Variants in MYCBP2 observed in about 807,000 individuals in gnomAD.
MYCBP2 encodes the protein E3 ubiquitin-protein ligase MYCBP2.
MYCBP2 carries 120 observed loss-of-function variants against 525.3 expected under a neutral mutation model. The ratio of observed to expected loss-of-function variants is 0.23; its 90% CI spans 0.20 to 0.27. The LOEUF (loss-of-function observed/expected upper bound fraction) is 0.27, where lower values mean the gene tolerates loss of function less well. Ranked by LOEUF, MYCBP2 falls within the 10% of genes least tolerant of loss-of-function variation. MYCBP2 has a pLI of 1.00. For missense variants in MYCBP2, 4,149 were observed against 5,657.1 expected (o/e 0.73, Z 8.55); for synonymous variants, 1,894 against 1,955.8 (o/e 0.97, Z 0.83).
intron 21 of MYCBP2, among the ~76,000 whole-genome samples, chr13:77,212,563 G>A (rs2064172123): frequency 6.6e-6 from 1 of 152,108 alleles, no homozygotes; most frequent in South Asian, 2.1e-4. Context: ...ATAAAAGAAA[G>A]TCACTATTGA....
chr13:77,214,141 T>G (rs967605340), intron 21 of MYCBP2, among the ~76,000 whole-genome samples: 1 of 152,230 alleles, frequency 6.6e-6, no homozygotes, highest in Non-Finnish European at 1.5e-5. Flanking sequence ...GGACCATTCC[T>G]CACCCATCAG....
intron 63 of MYCBP2, 72 bp from the exon 64 acceptor site, chr13:77,082,065 G>A (rs1219454838): frequency 1.1e-5 from 14 of 1,294,096 alleles, no homozygotes; most frequent in Non-Finnish European, 1.5e-5. Context: ...TCTTAGATGA[G>A]TACTCTGTAG....
chr13:77,199,800 C>G (rs1388804371), intron 26 of MYCBP2, among the ~76,000 whole-genome samples: 1 of 152,062 alleles, frequency 6.6e-6, no homozygotes, highest in Non-Finnish European at 1.5e-5. Flanking sequence ...CTCACACTGC[C>G]TGGTACTCCA....
intron 1 of MYCBP2, 73 bp from the exon 2 acceptor site, chr13:77,296,747 G>T (rs748137857): frequency 8.8e-7 from 1 of 1,141,160 alleles, no homozygotes; most frequent in Non-Finnish European, 1.2e-6. Flanking sequence ...TCAAAAATGG[G>T]TATTTCCAAA....
chr13:77,161,856 C>T, intron 44 of MYCBP2, 50 bp downstream of exon 44: 1 of 1,420,658 alleles, frequency 7.0e-7, no homozygotes, highest in Non-Finnish European at 9.8e-7. Flanking sequence ...AGTGACAATA[C>T]TTTTTAAATT....
intron 1 of MYCBP2, among the ~76,000 whole-genome samples, chr13:77,305,443 G>A (rs576301439): frequency 6.6e-6 from 1 of 152,166 alleles, no homozygotes; most frequent in Non-Finnish European, 1.5e-5. Flanking sequence ...GCAACAAAAG[G>A]TCATAAATTG....
chr13:77,199,322 C>T (rs147099586), intron 26 of MYCBP2, among the ~76,000 whole-genome samples: 3,406 of 152,332 alleles, frequency 0.022, 58 homozygotes, highest in Middle Eastern at 0.075. Context: ...CTGAATACTG[C>T]ACTTTTCTGA....
At position 77,067,832 on chromosome 13, in the gene MYCBP2, T is replaced by C. The variant is rs1325403713; in HGVS notation, c.12204A>G (p.Glu4068=). ...VTSLLRRVLP[E]VTPSRLASII... ...TGCTGGCCAGACGACTAGGGGTTAC[T>C]TCAGGCAAAACTCTTCTTAGTAAAG... Residue 4068 remains glutamate (E), a synonymous_variant, in exon 71 of 83, where the codon GAA becomes GAG. Transcript: ENST00000544440. 1.2e-6 allele frequency: 2 copies of C among 1,613,860 alleles called. No homozygotes were observed. The highest frequency in any genetic ancestry group is 1.3e-5 in the African/African-American group (1 of 74,934).
intron 1 of MYCBP2, among the ~76,000 whole-genome samples, chr13:77,324,343 T>C (rs981720170): frequency 3.2e-4 from 49 of 152,344 alleles, no homozygotes; most frequent in African/African-American, 1.0e-3. Context: ...TCTCTATTAT[T>C]GCTCCATTCA....
At chr13:77,291,794 C>T (rs1006208768) in intron 2 of MYCBP2, among the ~76,000 whole-genome samples, 10 of 151,382 alleles carry the variant, frequency 6.6e-5, no homozygotes, top group African/African-American at 1.2e-4. Context: ...CTAAACTAAA[C>T]GTACATTTAC....
Position 77,064,692 on chromosome 13 carries a change from T to C in MYCBP2, c.12595A>G (p.Ile4199Val). The C allele has an allele frequency of 1.2e-6, 2 of 1,613,872 alleles. No homozygotes were observed. The highest frequency in any genetic ancestry group is 2.2e-5 in the South Asian group (2 of 91,076). ...GTCAAGGCAATGATGGTTTCTGCAA[T>C]AGCATTTTTTGTCACTCGGGACCAA... is the stretch of plus-strand genomic sequence containing the variant. ...EAWSRVTKNA[I>V]AETIIALTKM... The change falls in exon 73 of 83, where the codon ATT (isoleucine) becomes GTT (valine). Residue 4199 changes from isoleucine (I) to valine (V), a missense_variant. Physicochemically the swap from Ile to Val is conservative, Grantham distance 29. Transcript: ENST00000544440.
intron 1 of MYCBP2, among the ~76,000 whole-genome samples, chr13:77,319,102 T>A (rs550396141): frequency 6.6e-6 from 1 of 152,080 alleles, no homozygotes; most frequent in Non-Finnish European, 1.5e-5. Context: ...TTGGTGCAGT[T>A]TGGGAACGTG....
intron 81 of MYCBP2, 33 bp downstream of exon 81, chr13:77,051,778 A>C: frequency 6.6e-7 from 1 of 1,512,538 alleles, no homozygotes; most frequent in Non-Finnish European, 9.2e-7. Flanking sequence ...TAACATTTCT[A>C]AACTGTTGTT....
chr13:77,291,845 T>C (rs1480586827), intron 2 of MYCBP2, among the ~76,000 whole-genome samples: 2 of 151,966 alleles, frequency 1.3e-5, no homozygotes, highest in Non-Finnish European at 2.9e-5. Flanking sequence ...GCAGGCATGA[T>C]TGCTTACTCC....
chr13:77,250,180 G>A (rs1374057947), intron 15 of MYCBP2, among the ~76,000 whole-genome samples: 1 of 146,912 alleles, frequency 6.8e-6, no homozygotes, highest in Non-Finnish European at 1.5e-5. Context: ...CCGAGATCCC[G>A]CCACTGCACT....
chr13:77,102,975 G>A (rs1396777525), intron 55 of MYCBP2, among the ~76,000 whole-genome samples: 2 of 151,846 alleles, frequency 1.3e-5, no homozygotes, highest in African/African-American at 2.4e-5. Context: ...TTAAGTAAGA[G>A]TAATGTTTAA....
rs80198095 is a variant in MYCBP2, at chr13:77,263,431, A to C, written c.1570+220T>G. Among the ~76,000 whole-genome samples, 1,318 of 152,102 alleles carry C rather than the reference A, an allele frequency of 8.7e-3. 20 individuals carry two copies. The highest frequency in any genetic ancestry group is 0.03 in the African/African-American group (1,228 of 41,532). Reference sequence around the variant, plus strand: ...AAGCAAAAAAGAGAAATTATTAGTCAATTCCTTAGAATGGTCTTCAAATAT... The same window carrying C: ...AAGCAAAAAAGAGAAATTATTAGTCCATTCCTTAGAATGGTCTTCAAATAT... On this transcript the variant is annotated intron_variant, in intron 10 of 82. Coordinates refer to ENST00000544440, the MANE Select transcript of MYCBP2 (RefSeq NM_015057.5).
intron 55 of MYCBP2, among the ~76,000 whole-genome samples, chr13:77,115,694 A>C (rs187761822): frequency 1.1e-4 from 17 of 151,794 alleles, no homozygotes; most frequent in East Asian, 9.6e-4. Flanking sequence ...GAAAAAAAAA[A>C]CCAAAGAATT....
chr13:77,067,237 C>G (rs1257012346), intron 71 of MYCBP2, among the ~76,000 whole-genome samples: 1 of 152,062 alleles, frequency 6.6e-6, no homozygotes, highest in African/African-American at 2.4e-5. Context: ...TTGACCTGAA[C>G]TTTACTTTAT....
Sources: gnomAD v4.1 joint callset for allele counts (sites outside exome capture counted in the v4.1 genomes callset) on GRCh38, gnomAD v4.1.1 for gene constraint, MANE v1.5 for transcripts, NCBI Gene and HGNC (gene_info 2026-07-23, HGNC 2026-07-21) for gene names.